RIMS2: variants seen among roughly 807,000 people sequenced by gnomAD.
The protein encoded by RIMS2 is regulating synaptic membrane exocytosis protein 2.
Under a neutral mutation model 174.4 loss-of-function variants are expected in RIMS2, and 59 were observed. The ratio of observed to expected loss-of-function variants is 0.34; its 90% CI spans 0.27 to 0.42. The LOEUF (loss-of-function observed/expected upper bound fraction) is 0.42, where lower values mean the gene tolerates loss of function less well. Ranked by LOEUF, RIMS2 falls within the 10% of genes least tolerant of loss-of-function variation. RIMS2 has a pLI of 1.00. For missense variants in RIMS2, 1,620 were observed against 1,666.3 expected, an observed-to-expected ratio of 0.97 and a Z score of 0.48; for synonymous variants, 606 against 572.5, an observed-to-expected ratio of 1.06 and a Z score of -0.84.
rs547586574 is a variant in RIMS2, at chr8:103,792,714, A to T, written c.698+26177A>T. 2.0e-5 allele frequency among the ~76,000 whole-genome samples: 3 copies of T among 152,058 alleles called. No homozygotes were observed. The South Asian group carries it at 6.2e-4, about 32-fold the overall frequency. On this transcript the variant is annotated intron_variant, in intron 3 of 23. Transcript: ENST00000504942. ...ACTAATAAAGAAGAAAAGAGAGAAG[A>T]ATCAAATAGACGCAATAAAAAATGA...
intron 3 of RIMS2, among the ~76,000 whole-genome samples, chr8:103,844,976 T>C (rs1321936704): frequency 1.3e-5 from 2 of 152,122 alleles, no homozygotes; most frequent in Non-Finnish European, 2.9e-5. Context: ...TTCCAGCTCT[T>C]AATAGACTTC....
At chr8:103,715,718 A>G (rs568037006) in intron 2 of RIMS2, among the ~76,000 whole-genome samples, 1 of 152,214 alleles carries the variant, frequency 6.6e-6, no homozygotes, top group African/African-American at 2.4e-5. Flanking sequence ...AGTGACCCCA[A>G]ATTACCAGTG....
At chr8:103,638,697 TTCTG>T (rs2096150368) in intron 1 of RIMS2, among the ~76,000 whole-genome samples, 1 of 152,060 alleles carries the variant, frequency 6.6e-6, no homozygotes, top group Admixed American at 6.5e-5. Flanking sequence ...TTGTATTTTT[TTCTG>T]TCTACCTGGA....
intron 1 of RIMS2, among the ~76,000 whole-genome samples, chr8:103,584,640 A>C (rs975564833): frequency 1.3e-5 from 2 of 152,210 alleles, no homozygotes; most frequent in Non-Finnish European, 2.9e-5. Context: ...TTGTTTGTTT[A>C]TGCAAATAGT....
At chr8:104,111,607 C>A (rs1368558230) in intron 19 of RIMS2, among the ~76,000 whole-genome samples, 1 of 152,082 alleles carries the variant, frequency 6.6e-6, no homozygotes, top group Non-Finnish European at 1.5e-5. Flanking sequence ...GGGGTTTCAC[C>A]GTGTTGGCCA....
At chr8:104,042,595 G>A (rs1301872721) in intron 19 of RIMS2, among the ~76,000 whole-genome samples, 1 of 151,582 alleles carries the variant, frequency 6.6e-6, no homozygotes, top group African/African-American at 2.4e-5. Context: ...AGATATTATT[G>A]ATGCAGAAAG....
intron 19 of RIMS2, among the ~76,000 whole-genome samples, chr8:104,131,377 G>T (rs1240500825): frequency 6.6e-6 from 1 of 152,070 alleles, no homozygotes; most frequent in Non-Finnish European, 1.5e-5. Flanking sequence ...TAAATTTCTT[G>T]GATTCTGATC....
intron 14 of RIMS2, among the ~76,000 whole-genome samples, chr8:103,955,207 C>T (rs1328464452): frequency 2.0e-5 from 3 of 151,952 alleles, no homozygotes; most frequent in African/African-American, 7.2e-5. Context: ...CTGAAACTAC[C>T]CCAAACAGTA....
At chr8:103,553,942 G>T (rs1033735693) in intron 1 of RIMS2, among the ~76,000 whole-genome samples, 2 of 79,576 alleles carry the variant, frequency 2.5e-5, no homozygotes, top group African/African-American at 1.4e-4. Flanking sequence ...ACAAAGTCTA[G>T]CAGTGGGAAA....
At chr8:104,140,738 G>C (rs183587639) in intron 19 of RIMS2, among the ~76,000 whole-genome samples, 1 of 152,182 alleles carries the variant, frequency 6.6e-6, no homozygotes, top group Non-Finnish European at 1.5e-5. Flanking sequence ...CTAACACCAA[G>C]TAGATGCAAG....
At chr8:103,804,739 A>T (rs2098638558) in intron 3 of RIMS2, among the ~76,000 whole-genome samples, 1 of 152,136 alleles carries the variant, frequency 6.6e-6, no homozygotes, top group African/African-American at 2.4e-5. Context: ...GAGAGATTTG[A>T]TTTAAAACCC....
intron 1 of RIMS2, among the ~76,000 whole-genome samples, chr8:103,690,183 C>A (rs1590396466): frequency 6.6e-6 from 1 of 152,212 alleles, no homozygotes; most frequent in Non-Finnish European, 1.5e-5. Context: ...AGGCTAGTCT[C>A]AAACTCCTGA....
intron 19 of RIMS2, among the ~76,000 whole-genome samples, chr8:104,202,667 A>T (rs1230140116): frequency 6.6e-6 from 1 of 152,184 alleles, no homozygotes; most frequent in South Asian, 2.1e-4. Flanking sequence ...GTTCCAGTCC[A>T]TCTCTGCTGT....
chr8:104,162,931 T>C (rs975344413), intron 19 of RIMS2, among the ~76,000 whole-genome samples: 2 of 152,212 alleles, frequency 1.3e-5, no homozygotes, highest in African/African-American at 4.8e-5. Flanking sequence ...AATTGGTATA[T>C]GGAGCTGCTG....
At chr8:103,560,293 A>G (rs549362169) in intron 1 of RIMS2, among the ~76,000 whole-genome samples, 2 of 152,194 alleles carry the variant, frequency 1.3e-5, no homozygotes, top group African/African-American at 2.4e-5. Flanking sequence ...TAGGAGAATC[A>G]CTGAACCTGG....
At chr8:103,831,319 G>A (rs79852794) in intron 3 of RIMS2, among the ~76,000 whole-genome samples, 1,526 of 152,242 alleles carry the variant, frequency 0.01, 21 homozygotes, top group South Asian at 0.05. Context: ...AAGAGAAAAG[G>A]GGTGAGAAGC....
At chr8:104,125,431 G>C (rs1421861037) in intron 19 of RIMS2, among the ~76,000 whole-genome samples, 1 of 151,980 alleles carries the variant, frequency 6.6e-6, no homozygotes, top group South Asian at 2.1e-4. Context: ...TTCTTTATGA[G>C]GTTTAAATTA....
chr8:103,600,676 C>T (rs2094693444), intron 1 of RIMS2, among the ~76,000 whole-genome samples: 2 of 151,890 alleles, frequency 1.3e-5, no homozygotes, highest in South Asian at 4.2e-4. Context: ...GATCTCTCTT[C>T]AATATGCTGA....
chr8:103,572,317 A>T (rs2092884013), intron 1 of RIMS2, among the ~76,000 whole-genome samples: 1 of 152,166 alleles, frequency 6.6e-6, no homozygotes, highest in Non-Finnish European at 1.5e-5. Flanking sequence ...TCGGGTGGCC[A>T]GTTTTTATTC....
Sources: gnomAD v4.1 joint callset for allele counts (sites outside exome capture counted in the v4.1 genomes callset) on GRCh38, gnomAD v4.1.1 for gene constraint, MANE v1.5 for transcripts, NCBI Gene and HGNC (gene_info 2026-07-23, HGNC 2026-07-21) for gene names.